The following PHKB variants were observed in gnomAD, a reference collection of about 807,000 sequenced individuals.
PHKB encodes the protein phosphorylase b kinase regulatory subunit beta.
Under a neutral mutation model 152.1 loss-of-function variants are expected in PHKB, and 122 were observed. The ratio of observed to expected loss-of-function variants is 0.80; its 90% confidence interval spans 0.69 to 0.93. The LOEUF (loss-of-function observed/expected upper bound fraction) is 0.93. Among genes scored for constraint, PHKB ranks in the 40% least tolerant of loss-of-function variants. The probability of loss-of-function intolerance (pLI) is 0.00; values close to 1 mark genes in which losing one functional copy is unlikely to be tolerated. For synonymous variants in PHKB, 436 were observed against 464.9 expected, an observed-to-expected ratio of 0.94 and a Z score of 0.80; for missense variants, 1,304 against 1,328.4, an observed-to-expected ratio of 0.98 and a Z score of 0.29.
chr16:47,564,773 A>G (rs900258089), intron 7 of PHKB, among the ~76,000 whole-genome samples: 2 of 152,152 alleles, frequency 1.3e-5, no homozygotes, highest in African/African-American at 2.4e-5. Flanking sequence ...TAATTTTTGT[A>G]TATAGTGAAA....
At chr16:47,551,522 T>C (rs1275276871) in intron 7 of PHKB, among the ~76,000 whole-genome samples, 1 of 152,194 alleles carries the variant, frequency 6.6e-6, no homozygotes, top group Non-Finnish European at 1.5e-5. Context: ...AGTTTTGTGG[T>C]TTTGAGTGAG....
intron 7 of PHKB, among the ~76,000 whole-genome samples, chr16:47,557,816 G>A (rs964500530): frequency 3.3e-5 from 5 of 152,132 alleles, no homozygotes; most frequent in Non-Finnish European, 7.4e-5. Flanking sequence ...CATTGTGGAA[G>A]TCAGTGTGGC....
chr16:47,589,409 G>A (rs1971990109), intron 10 of PHKB, among the ~76,000 whole-genome samples: 1 of 152,204 alleles, frequency 6.6e-6, no homozygotes, highest in Non-Finnish European at 1.5e-5. Context: ...AATGGGCCAT[G>A]TTCATTTATT....
intron 8 of PHKB, among the ~76,000 whole-genome samples, chr16:47,581,610 AAGTT>A (rs1422506418): frequency 1.3e-5 from 2 of 152,202 alleles, no homozygotes; most frequent in South Asian, 2.1e-4. Flanking sequence ...ATGCAAATAA[AAGTT>A]AGTTAGCATA....
intron 7 of PHKB, among the ~76,000 whole-genome samples, chr16:47,573,135 G>C (rs928209886): frequency 6.6e-6 from 1 of 152,208 alleles, no homozygotes; most frequent in African/African-American, 2.4e-5. Flanking sequence ...GCACAGGATA[G>C]ACAAATTCAG....
chr16:47,530,157 A>T (rs1243854166), intron 6 of PHKB, among the ~76,000 whole-genome samples: 1 of 141,554 alleles, frequency 7.1e-6, no homozygotes, highest in African/African-American at 2.6e-5. Context: ...TTTTTTCCAG[A>T]CAGAGTCTTG....
At chr16:47,551,640 G>C (rs934414779) in intron 7 of PHKB, among the ~76,000 whole-genome samples, 2 of 152,102 alleles carry the variant, frequency 1.3e-5, no homozygotes, top group African/African-American at 4.8e-5. Flanking sequence ...CCAATTATGT[G>C]GTCAATTTTA....
chr16:47,647,855 AAT>A (rs1973162120), intron 16 of PHKB, among the ~76,000 whole-genome samples: 1 of 152,232 alleles, frequency 6.6e-6, no homozygotes, highest in Admixed American at 6.5e-5. Flanking sequence ...TGGGACACAG[AAT>A]ATATATGAAC....
intron 20 of PHKB, among the ~76,000 whole-genome samples, chr16:47,656,120 G>C (rs775390476): frequency 5.3e-5 from 8 of 151,752 alleles, no homozygotes; most frequent in Non-Finnish European, 1.0e-4. Context: ...AGGTTCAAGC[G>C]ATTCTCCTGC....
intron 7 of PHKB, chr16:47,561,995 A>G (rs1450273394): frequency 6.6e-6 from 1 of 152,128 alleles, no homozygotes; most frequent in Non-Finnish European, 1.5e-5. Context: ...ATTCTCACAA[A>G]CATCTGTGAG....
intron 8 of PHKB, among the ~76,000 whole-genome samples, chr16:47,583,423 A>G (rs971481621): frequency 6.6e-6 from 1 of 152,256 alleles, no homozygotes; most frequent in African/African-American, 2.4e-5. Context: ...AAGAATTGAC[A>G]TAAAGAAATG....
chr16:47,517,684 C>T (rs1379120772), intron 6 of PHKB, among the ~76,000 whole-genome samples: 1 of 152,042 alleles, frequency 6.6e-6, no homozygotes, highest in Non-Finnish European at 1.5e-5. Flanking sequence ...TTTAGCCATT[C>T]CATTTGGTTT....
chr16:47,484,371 T>A (rs1970015418), intron 1 of PHKB, among the ~76,000 whole-genome samples: 1 of 152,214 alleles, frequency 6.6e-6, no homozygotes, highest in South Asian at 2.1e-4. Context: ...GTGAAATATG[T>A]TTCTTACCCA....
At chr16:47,480,637 A>G (rs979654287) in intron 1 of PHKB, among the ~76,000 whole-genome samples, 4 of 152,176 alleles carry the variant, frequency 2.6e-5, no homozygotes, top group Non-Finnish European at 4.4e-5. Context: ...GTTTAGTTTC[A>G]TTTGCTGTAG....
chr16:47,660,358 A>G (rs551037732), intron 20 of PHKB, 148 bp from the exon 21 acceptor site: 5 of 677,732 alleles, frequency 7.4e-6, no homozygotes, highest in Middle Eastern at 4.0e-4. Context: ...TGATTTTAGA[A>G]TGTTCATTTA....
rs1471608835 is a variant in PHKB, at chr16:47,497,448, T to C, written c.126T>C (p.Asn42=). The C allele has an allele frequency of 8.7e-6, 14 of 1,609,926 alleles. No individual in the cohort carries two copies. The African/African-American group carries it at 1.6e-4, about 18-fold the overall frequency. Reference sequence around the variant, plus strand: ...GCATTAATCTTCCAAGACCTGATAATGAAACTCTCTGGGATAAGTTGGACC... The same window carrying C: ...GCATTAATCTTCCAAGACCTGATAACGAAACTCTCTGGGATAAGTTGGACC... The part of the protein sequence containing the change: ...LKSINLPRPD[N]ETLWDKLDHY... Residue 42 remains asparagine, a synonymous_variant, in exon 2 of 31, where the codon AAT becomes AAC. Transcript: ENST00000323584.
At chr16:47,540,798 A>G (rs1971041420) in intron 6 of PHKB, among the ~76,000 whole-genome samples, 1 of 137,682 alleles carries the variant, frequency 7.3e-6, no homozygotes, top group Non-Finnish European at 1.6e-5. Context: ...TATTCTCTTT[A>G]GTATCTAATC....
At chr16:47,633,851 A>T (rs1211460923) in intron 14 of PHKB, among the ~76,000 whole-genome samples, 1 of 152,214 alleles carries the variant, frequency 6.6e-6, no homozygotes, top group Admixed American at 6.5e-5. Flanking sequence ...TTGCATAACT[A>T]TATCTGTTTA....
At chr16:47,609,324 G>A (rs1013150267) in intron 13 of PHKB, among the ~76,000 whole-genome samples, 42 of 151,064 alleles carry the variant, frequency 2.8e-4, no homozygotes, top group African/African-American at 1.0e-3. Flanking sequence ...GAGGATTTTT[G>A]TGTCTATATT....
Sources: gnomAD v4.1 joint callset for allele counts (sites outside exome capture counted in the v4.1 genomes callset) on GRCh38, gnomAD v4.1.1 for gene constraint, MANE v1.5 for transcripts, NCBI Gene and HGNC (gene_info 2026-07-23, HGNC 2026-07-21) for gene names.